The following MACROD2 variants were observed in gnomAD, a reference collection of about 807,000 sequenced individuals.
MACROD2 encodes the protein mono-ADP ribosylhydrolase 2, also known as ADP-ribose glycohydrolase MACROD2.
Under a neutral mutation model 70.4 loss-of-function variants are expected in MACROD2, and 36 were observed. The observed-to-expected ratio is 0.51, with a 90% confidence interval of 0.39 to 0.68. The LOEUF (loss-of-function observed/expected upper bound fraction) is 0.68, where lower values mean the gene tolerates loss of function less well. Ranked by LOEUF, MACROD2 falls within the 30% of genes least tolerant of loss-of-function variation. The pLI is 0.00. For missense variants in MACROD2, 496 were observed against 538.4 expected (o/e 0.92, Z 0.78); for synonymous variants, 172 against 178.8 (o/e 0.96, Z 0.30).
chr20:15,108,375 G>T (rs925403583), intron 5 of MACROD2, among the ~76,000 whole-genome samples: 3 of 152,184 alleles, frequency 2.0e-5, no homozygotes, highest in African/African-American at 7.2e-5. Context: ...AACTTGGAAA[G>T]CATGATGATG....
intron 6 of MACROD2, among the ~76,000 whole-genome samples, chr20:15,277,899 G>A (rs1254360350): frequency 2.6e-5 from 4 of 152,134 alleles, no homozygotes; most frequent in Non-Finnish European, 4.4e-5. Flanking sequence ...GTTTCTGTTC[G>A]CTTTTCTAAT....
chr20:15,784,036 A>C (rs2051879240), intron 8 of MACROD2, among the ~76,000 whole-genome samples: 1 of 152,170 alleles, frequency 6.6e-6, no homozygotes, highest in South Asian at 2.1e-4. Flanking sequence ...ATTTCTTGCG[A>C]TATTCCTTGA....
intron 5 of MACROD2, among the ~76,000 whole-genome samples, chr20:14,706,024 T>C (rs146888618): frequency 6.6e-6 from 1 of 152,228 alleles, no homozygotes; most frequent in African/African-American, 2.4e-5. Context: ...GCTTAAAAAT[T>C]GGTAGAAGAG....
At chr20:14,343,954 G>T (rs1241704687) in intron 3 of MACROD2, among the ~76,000 whole-genome samples, 1 of 152,136 alleles carries the variant, frequency 6.6e-6, no homozygotes, top group Non-Finnish European at 1.5e-5. Flanking sequence ...TGGAGTATTG[G>T]TGCTAATTTT....
intron 5 of MACROD2, among the ~76,000 whole-genome samples, chr20:14,967,648 T>C (rs1415461821): frequency 6.6e-6 from 1 of 152,224 alleles, no homozygotes; most frequent in Non-Finnish European, 1.5e-5. Context: ...AAATGATTAA[T>C]GATTGTTTCC....
At chr20:14,689,722 A>G (rs2071041170) in intron 5 of MACROD2, among the ~76,000 whole-genome samples, 1 of 152,142 alleles carries the variant, frequency 6.6e-6, no homozygotes, top group South Asian at 2.1e-4. Context: ...ACCTCAGCTA[A>G]AAATGCCTTC....
intron 7 of MACROD2, among the ~76,000 whole-genome samples, chr20:15,453,887 C>T (rs1182149112): frequency 6.6e-6 from 1 of 152,128 alleles, no homozygotes; most frequent in African/African-American, 2.4e-5. Flanking sequence ...AAGCTTGTAG[C>T]CCCCAGAGTG....
chr20:14,906,821 C>T (rs1347675908), intron 5 of MACROD2, among the ~76,000 whole-genome samples: 1 of 152,106 alleles, frequency 6.6e-6, no homozygotes, highest in Non-Finnish European at 1.5e-5. Flanking sequence ...AGCTTTCAGC[C>T]TCTCTTGTCT....
intron 8 of MACROD2, among the ~76,000 whole-genome samples, chr20:15,782,211 C>G (rs1431915070): frequency 6.6e-6 from 1 of 152,102 alleles, no homozygotes; most frequent in Non-Finnish European, 1.5e-5. Context: ...ATAGAAAGCA[C>G]TCAGCACAAA....
At chr20:14,838,719 C>T in intron 5 of MACROD2, among the ~76,000 whole-genome samples, 1 of 152,082 alleles carries the variant, frequency 6.6e-6, no homozygotes, top group Non-Finnish European at 1.5e-5. Context: ...GAAGTGTGTT[C>T]ACTGTCCCTT....
At chr20:14,311,645 G>A (rs1008631281) in intron 3 of MACROD2, among the ~76,000 whole-genome samples, 1 of 152,106 alleles carries the variant, frequency 6.6e-6, no homozygotes, top group Admixed American at 6.5e-5. Flanking sequence ...AGCCTCCCAA[G>A]TAGCTGGGAT....
chr20:15,567,806 G>A (rs1314596929), intron 8 of MACROD2, among the ~76,000 whole-genome samples: 1 of 152,200 alleles, frequency 6.6e-6, no homozygotes, highest in Non-Finnish European at 1.5e-5. Flanking sequence ...GAGGGCAGCT[G>A]TTTCTCTGCT....
At chr20:14,090,284 C>T (rs2054129840) in intron 3 of MACROD2, among the ~76,000 whole-genome samples, 1 of 152,138 alleles carries the variant, frequency 6.6e-6, no homozygotes, top group Non-Finnish European at 1.5e-5. Flanking sequence ...AAAAGAACTC[C>T]CTCATGCTGG....
chr20:15,132,721 A>G (rs1486545165), intron 5 of MACROD2, among the ~76,000 whole-genome samples: 1 of 152,056 alleles, frequency 6.6e-6, no homozygotes, highest in African/African-American at 2.4e-5. Flanking sequence ...ACAAAATGCA[A>G]GACCATTTTG....
chr20:14,459,764 T>C (rs1234679291), intron 3 of MACROD2, among the ~76,000 whole-genome samples: 2 of 152,112 alleles, frequency 1.3e-5, no homozygotes, highest in African/African-American at 2.4e-5. Context: ...CTGGGATACA[T>C]GTGCAGAACA....
At chr20:14,588,417 T>TA (rs1415880236) in intron 4 of MACROD2, among the ~76,000 whole-genome samples, 1 of 152,230 alleles carries the variant, frequency 6.6e-6, no homozygotes, top group Non-Finnish European at 1.5e-5. Flanking sequence ...TTGTTTTACC[T>TA]ATATTTTTAA....
intron 3 of MACROD2, among the ~76,000 whole-genome samples, chr20:14,393,796 G>A (rs1051210027): frequency 7.2e-5 from 11 of 152,126 alleles, no homozygotes; most frequent in African/African-American, 2.2e-4. Context: ...AATCCCAAAC[G>A]TGATTAGATT....
At chr20:15,458,475 TGGAG>T (rs1390629796) in intron 7 of MACROD2, among the ~76,000 whole-genome samples, 5 of 152,140 alleles carry the variant, frequency 3.3e-5, no homozygotes, top group Admixed American at 1.3e-4. Context: ...ATTGAAAAGC[TGGAG>T]TTAACACTCC....
chr20:15,477,824 C>T (rs1209571361), intron 7 of MACROD2, among the ~76,000 whole-genome samples: 4 of 152,016 alleles, frequency 2.6e-5, no homozygotes, highest in African/African-American at 9.7e-5. Flanking sequence ...CCAATGTGAT[C>T]GCAATGGTCC....
Sources: gnomAD v4.1 joint callset for allele counts (sites outside exome capture counted in the v4.1 genomes callset) on GRCh38, gnomAD v4.1.1 for gene constraint, MANE v1.5 for transcripts, NCBI Gene and HGNC (gene_info 2026-07-23, HGNC 2026-07-21) for gene names.